The following MPPE1 variants were observed in gnomAD, a reference collection of about 807,000 sequenced individuals.
MPPE1 encodes metallo phosphoesterase.
MPPE1 carries 28 observed loss-of-function variants against 43.8 expected under a neutral mutation model. That is an observed-to-expected ratio of 0.64 (90% confidence interval 0.47 to 0.88). The LOEUF (loss-of-function observed/expected upper bound fraction) is 0.88. Among genes scored for constraint, MPPE1 ranks in the 40% least tolerant of loss-of-function variants. MPPE1 has a pLI of 0.00. For missense variants in MPPE1, 428 were observed against 492.2 expected (o/e 0.87, Z 1.23); for synonymous variants, 159 against 188.5 (o/e 0.84, Z 1.28).
intron 3 of MPPE1, chr18:11,895,217 G>A (rs116871395): frequency 0.05 from 7,665 of 152,396 alleles, 361 homozygotes; most frequent in African/African-American, 0.13. Flanking sequence ...GGCCAAGGAG[G>A]GAGGATCACT....
In MPPE1 at chr18:11,883,192, C is replaced by G. The variant is rs1009013794; in HGVS notation, c.*1253G>C. ...AACTTTATAGACAGTCAGTGCAACACACACATTTTATCTCATCACCGTCTT... is the reference window on the plus strand; with the variant it reads ...AACTTTATAGACAGTCAGTGCAACAGACACATTTTATCTCATCACCGTCTT... On this transcript the variant is annotated 3_prime_UTR_variant, in exon 11 of 11. Transcript: ENST00000588072. 1.3e-5 allele frequency: 2 copies of G among 150,604 alleles called. No homozygotes were observed. Among genetic ancestry groups the G allele is most frequent in the Admixed American group, 1.3e-4 (2 of 15,204 alleles). The allele number at this position is 150,604 out of a possible 1,614,324, so 9.3% of individuals were successfully genotyped here.
chr18:11,894,091 T>G (rs1311251412), intron 3 of MPPE1, among the ~76,000 whole-genome samples: 1 of 152,172 alleles, frequency 6.6e-6, no homozygotes, highest in Non-Finnish European at 1.5e-5. Flanking sequence ...CCTGGAGATT[T>G]CAGACATGCG....
intron 1 of MPPE1, among the ~76,000 whole-genome samples, chr18:11,907,511 C>T (rs2039830260): frequency 7.6e-6 from 1 of 131,566 alleles, no homozygotes; most frequent in Non-Finnish European, 1.6e-5. Context: ...TTAATCCCTT[C>T]AAATATTTTA....
At chr18:11,905,067 G>A (rs2039577806) in intron 2 of MPPE1, 1 of 152,218 alleles carries the variant, frequency 6.6e-6, no homozygotes, top group Non-Finnish European at 1.5e-5. Context: ...AGCACTTTGG[G>A]AGGTGGAGGC....
chr18:11,896,478 T>C (rs1476690139), intron 3 of MPPE1, among the ~76,000 whole-genome samples: 4 of 152,156 alleles, frequency 2.6e-5, no homozygotes, highest in Non-Finnish European at 5.9e-5. Flanking sequence ...GTTGGAAAGA[T>C]AGGACCTGAT....
At chr18:11,887,123 G>C (rs1462170910) in intron 6 of MPPE1, 98 bp from the exon 7 acceptor site, 1 of 820,792 alleles carries the variant, frequency 1.2e-6, no homozygotes, top group Non-Finnish European at 1.9e-6. Context: ...CCAGTGCAAA[G>C]AAACAAGCCC....
Position 11,888,654 on chromosome 18 carries a change from A to T in MPPE1, c.569+15T>A. On this transcript the variant is annotated intron_variant, in intron 6 of 10. Transcript: ENST00000588072. ...AGGACTAAAGGTCTTGGAAGAATTT[A>T]CAAATAATACTCACTTAATGCCTTT... 1 of 1,544,954 alleles carries T rather than the reference A, an allele frequency of 6.5e-7. No homozygotes were observed. The highest frequency in any genetic ancestry group is 8.8e-7 in the Non-Finnish European group (1 of 1,130,436).
At chr18:11,898,502 A>G (rs564364144) in intron 2 of MPPE1, among the ~76,000 whole-genome samples, 35 of 152,344 alleles carry the variant, frequency 2.3e-4, no homozygotes, top group African/African-American at 7.7e-4. Context: ...ATTCTGCTGA[A>G]TGTAGTTTCT....
Position 11,886,667 on chromosome 18 carries a change from C to T in MPPE1, c.744+46G>A, listed in dbSNP as rs1480491294. On this transcript the variant is annotated intron_variant, in intron 8 of 10. Transcript: ENST00000588072. The surrounding 1 kb of genome is among the most constrained non-coding windows in gnomAD (Gnocchi z 4.1). Reference sequence around the variant, plus strand: ...AGTTCAGGCGGCTATCGTGAAACCACAGGCTGCCTGCTGTCTGCCATGAGC... The same window carrying T: ...AGTTCAGGCGGCTATCGTGAAACCATAGGCTGCCTGCTGTCTGCCATGAGC... 1 of 1,614,030 alleles carries T rather than the reference C, an allele frequency of 6.2e-7. No individual in the cohort carries two copies. Among genetic ancestry groups the T allele is most frequent in the South Asian group, 1.1e-5 (1 of 91,084 alleles).
At chr18:11,892,868 A>G (rs1052090231) in intron 4 of MPPE1, among the ~76,000 whole-genome samples, 60 of 152,292 alleles carry the variant, frequency 3.9e-4, no homozygotes, top group African/African-American at 1.4e-3. Flanking sequence ...ACACTGTGAC[A>G]ACTAAGGTGA....
chr18:11,888,103 C>T (rs140833291), intron 6 of MPPE1, among the ~76,000 whole-genome samples: 4 of 152,332 alleles, frequency 2.6e-5, no homozygotes, highest in African/African-American at 9.6e-5. Flanking sequence ...GCCACATACA[C>T]AGCCCAGAAA....
chr18:11,894,333 CAGG>C (rs543346203), intron 3 of MPPE1, among the ~76,000 whole-genome samples: 3 of 148,214 alleles, frequency 2.0e-5, no homozygotes, highest in South Asian at 4.3e-4. Context: ...GAGGCTGAGG[CAGG>C]AGAATTGCTT....
chr18:11,891,646 G>A (rs1049840403), intron 4 of MPPE1, among the ~76,000 whole-genome samples: 9 of 152,070 alleles, frequency 5.9e-5, no homozygotes, highest in South Asian at 2.1e-4. Context: ...TTATAGCCTA[G>A]ATAATAACAA....
chr18:11,900,721 C>A (rs1163432043), intron 2 of MPPE1, among the ~76,000 whole-genome samples: 1 of 151,826 alleles, frequency 6.6e-6, no homozygotes, highest in Non-Finnish European at 1.5e-5. Flanking sequence ...TCCTGGCTAA[C>A]ACGGTGAAAC....
At chr18:11,887,600 A>G (rs932489882) in intron 6 of MPPE1, among the ~76,000 whole-genome samples, 1 of 152,216 alleles carries the variant, frequency 6.6e-6, no homozygotes, top group African/African-American at 2.4e-5. Flanking sequence ...GGTAATAACA[A>G]AGTCCATTGT....
rs111531562 is a variant in MPPE1 at position 11,900,643 on chromosome 18, C to T, written c.-92-3287G>A. Among the ~76,000 whole-genome samples, 906 of 152,216 alleles carry T rather than the reference C, an allele frequency of 6.0e-3. 8 individuals are homozygous for T. The highest frequency in any genetic ancestry group is 0.019 in the African/African-American group (796 of 41,518). ...GAAAAATAAGCCAGGCACAGTGGCT[C>T]ACACCTGTAATCCCAGCACTTTGGG... On this transcript the variant is annotated intron_variant, in intron 2 of 10. Transcript: ENST00000588072.
In MPPE1 at chr18:11,898,656, T is replaced by G. The variant is rs2144602212; in HGVS notation, c.-92-1300A>C. Reference sequence around the variant, plus strand: ...TTTTTCAGACTTTCGGGCAACTGATTTACCCTACCTGACTGACCCTGCTGG... The same window carrying G: ...TTTTTCAGACTTTCGGGCAACTGATGTACCCTACCTGACTGACCCTGCTGG... On this transcript the variant is annotated intron_variant, in intron 2 of 10. Coordinates refer to ENST00000588072, the MANE Select transcript of MPPE1 (RefSeq NM_023075.6). 1.3e-5 allele frequency among the ~76,000 whole-genome samples: 2 copies of G among 152,228 alleles called. 1 individual carries two copies. The highest frequency in any genetic ancestry group is 4.1e-4 in the South Asian group (2 of 4,820).
intron 5 of MPPE1, 71 bp downstream of exon 5, chr18:11,889,315 CT>C: frequency 1.0e-6 from 1 of 989,388 alleles, no homozygotes; most frequent in Non-Finnish European, 1.5e-6. Context: ...GGGCTTTCAC[CT>C]GAATTCCAAC....
At chr18:11,889,870 C>T (rs1019821074) in intron 4 of MPPE1, among the ~76,000 whole-genome samples, 6 of 151,502 alleles carry the variant, frequency 4.0e-5, no homozygotes, top group Non-Finnish European at 8.8e-5. Context: ...ACGCACCCAG[C>T]CAATGATCCC....
Sources: gnomAD v4.1 joint callset for allele counts (sites outside exome capture counted in the v4.1 genomes callset) on GRCh38, gnomAD v4.1.1 for gene constraint, Gnocchi (gnomAD v3.1) non-coding constraint, MANE v1.5 for transcripts, NCBI Gene and HGNC (gene_info 2026-07-23, HGNC 2026-07-21) for gene names.